DCN: variants seen among roughly 807,000 people sequenced by gnomAD.
The protein encoded by DCN is decorin.
DCN carries 17 observed loss-of-function variants against 36.5 expected under a neutral mutation model. The observed-to-expected ratio is 0.47, with a 90% confidence interval of 0.32 to 0.70. The LOEUF (loss-of-function observed/expected upper bound fraction) is 0.70, where lower values mean the gene tolerates loss of function less well. DCN is among the 30% of genes least tolerant of loss of function. DCN has a pLI of 0.04. For missense variants in DCN, 389 were observed against 430.1 expected, an observed-to-expected ratio of 0.90 and a Z score of 0.84; for synonymous variants, 163 against 161.4, an observed-to-expected ratio of 1.01 and a Z score of -0.07.
chr12:91,156,695 CT>C (rs76405331), intron 5 of DCN, among the ~76,000 whole-genome samples: 20,744 of 142,218 alleles, frequency 0.15, 1,592 homozygotes, highest in Non-Finnish European at 0.19. Flanking sequence ...TCCCATATAT[CT>C]TTTTTTTTTT....
Position 91,164,731 on chromosome 12 carries a change from A to G in DCN, c.212-14T>C, listed in dbSNP as rs1328862722. Reference sequence around the variant, plus strand: ...CTTTGTCCAGACCTAGCATAAGAGTAATAGGAGTGTGCTGTGAGTAGAAAG... The same window carrying G: ...CTTTGTCCAGACCTAGCATAAGAGTGATAGGAGTGTGCTGTGAGTAGAAAG... On this transcript the variant is annotated splice_polypyrimidine_tract_variant and intron_variant, in intron 2 of 7. Coordinates refer to ENST00000052754, the MANE Select transcript of DCN (RefSeq NM_001920.5). The G allele has an allele frequency of 7.5e-7, 1 of 1,338,670 alleles. No homozygotes were observed. The highest frequency in any genetic ancestry group is 1.4e-5 in the African/African-American group (1 of 69,492). The allele number at this position is 1,338,670 out of a possible 1,614,324, so 82.9% of individuals were successfully genotyped here.
rs530124755 is a variant in DCN, at chr12:91,142,131, T to C, written c.*3927A>G. ...TGGTGTGCTTGAATACATAAACAGA[T>C]CCACTAGAAGGAATGTTTTAGCAAT... On this transcript the variant is annotated 3_prime_UTR_variant, in exon 8 of 8. Transcript: ENST00000052754. 6.7e-4 allele frequency: 102 copies of C among 152,294 alleles called. No individual in the cohort carries two copies. Among genetic ancestry groups the C allele is most frequent in the African/African-American group, 2.4e-3 (98 of 41,558 alleles). The allele number at this position is 152,294 out of a possible 1,614,324, so 9.4% of individuals were successfully genotyped here.
rs1880750222 is a variant in DCN at position 91,141,377 on chromosome 12, T to C, written c.*4681A>G. ...TTCTTGGCTTGCTCCCTTCAGTTCT[T>C]CATCTCCCTGCTCAAATGTCACTCC... On this transcript the variant is annotated 3_prime_UTR_variant, in exon 8 of 8. Transcript: ENST00000052754. 6.6e-6 allele frequency: 1 copy of C among 152,278 alleles called. No individual in the cohort carries two copies. The highest frequency in any genetic ancestry group is 2.4e-5 in the African/African-American group (1 of 41,460). The allele number at this position is 152,278 out of a possible 1,614,324, so 9.4% of individuals were successfully genotyped here.
At chr12:91,164,541 G>A in intron 3 of DCN, 64 bp downstream of exon 3, 1 of 845,692 alleles carries the variant, frequency 1.2e-6, no homozygotes, top group Non-Finnish European at 2.0e-6. Flanking sequence ...GCCTTATCTA[G>A]GTAGTGTTTT....
At chr12:91,150,689 C>T (rs1421661661) in intron 7 of DCN, 1 of 152,146 alleles carries the variant, frequency 6.6e-6, no homozygotes, top group Non-Finnish European at 1.5e-5. Flanking sequence ...GTAGCAATTC[C>T]TCAAGGATGT....
At chr12:91,179,596 G>C (rs999378955) in intron 1 of DCN, 1 of 152,012 alleles carries the variant, frequency 6.6e-6, no homozygotes, top group Non-Finnish European at 1.5e-5. Flanking sequence ...TTCTGTACCC[G>C]GGCCTTGCAC....
chr12:91,166,432 G>A (rs529046926), intron 2 of DCN, among the ~76,000 whole-genome samples: 21 of 152,268 alleles, frequency 1.4e-4, no homozygotes, highest in African/African-American at 4.3e-4. Flanking sequence ...CATGCAATTA[G>A]GAATGGTAGA....
At chr12:91,150,905 A>C (rs984948263) in intron 7 of DCN, 2 of 152,524 alleles carry the variant, frequency 1.3e-5, no homozygotes, top group African/African-American at 4.8e-5. Flanking sequence ...GTGGAATACT[A>C]TGCAGCCATA....
chr12:91,163,339 T>G (rs757678787), intron 3 of DCN, among the ~76,000 whole-genome samples: 4 of 152,212 alleles, frequency 2.6e-5, no homozygotes, highest in Non-Finnish European at 4.4e-5. Context: ...TTGGCCCTTC[T>G]TCAAGTCCTG....
Position 91,178,526 on chromosome 12 carries a change from C to G in DCN, c.27G>C (p.Leu9=). The stretch of plus-strand genomic sequence containing the variant: ...GTCCAGCCCAGGAAACTTGTGCAAG[C>G]AGAAGGAGGATGATAGTGGCCTTCA... MKATIILL[L]LAQVSWAGPF... The change falls in exon 2 of 8, where the codon CTG becomes CTC. Residue 9 remains leucine (L), a synonymous_variant. Coordinates refer to ENST00000052754, the MANE Select transcript of DCN (RefSeq NM_001920.5). 1 of 1,613,660 alleles carries G rather than the reference C, an allele frequency of 6.2e-7. No homozygotes were observed. The highest frequency in any genetic ancestry group is 8.5e-7 in the Non-Finnish European group (1 of 1,179,934).
At chr12:91,172,749 C>G (rs1565787621) in intron 2 of DCN, 1 of 699,508 alleles carries the variant, frequency 1.4e-6, no homozygotes, top group Non-Finnish European at 2.6e-6. Flanking sequence ...AGAACCAAGC[C>G]ATGCATATGT....
intron 1 of DCN, chr12:91,179,312 C>G (rs1314949151): frequency 6.6e-6 from 1 of 152,446 alleles, no homozygotes; most frequent in African/African-American, 2.4e-5. Context: ...CATTCCCAGT[C>G]CTCACCTGAA....
intron 2 of DCN, chr12:91,169,499 A>C (rs1200289011): frequency 6.6e-6 from 1 of 151,384 alleles, no homozygotes; most frequent in Non-Finnish European, 1.5e-5. Context: ...ATTTTATTTG[A>C]GAGCTTTATT....
intron 7 of DCN, among the ~76,000 whole-genome samples, chr12:91,146,916 AC>A (rs1475721172): frequency 6.6e-6 from 1 of 152,096 alleles, no homozygotes; most frequent in African/African-American, 2.4e-5. Flanking sequence ...TACTCCGACA[AC>A]CTTGTCCAAG....
At chr12:91,155,322 C>T (rs1274419761) in intron 5 of DCN, among the ~76,000 whole-genome samples, 1 of 152,086 alleles carries the variant, frequency 6.6e-6, no homozygotes, top group Non-Finnish European at 1.5e-5. Flanking sequence ...TAGAAGACTC[C>T]ATGACAAGCA....
Position 91,144,074 on chromosome 12 carries a change from G to C in DCN, c.*1984C>G. 6.6e-6 allele frequency: 1 copy of C among 151,956 alleles called. No homozygotes were observed. The highest frequency in any genetic ancestry group is 1.9e-4 in the East Asian group (1 of 5,178). 9.4% of individuals were successfully genotyped at this position (151,956 alleles called of 1,614,324 possible). A position where few individuals can be genotyped will look rare whatever the true frequency, so the allele number is the denominator to read the frequency against. ...TTTCTACTTATTTCTCACCACACTT[G>C]TCAGTTAAGCAGCAGGATATCTGCA... On this transcript the variant is annotated 3_prime_UTR_variant, in exon 8 of 8. Transcript: ENST00000052754.
intron 2 of DCN, chr12:91,169,849 A>G (rs1262119439): frequency 6.4e-6 from 1 of 155,310 alleles, no homozygotes; most frequent in Non-Finnish European, 1.4e-5. Context: ...GGATCACGAG[A>G]TCAGGAGATC....
chr12:91,148,802 AC>A (rs1460683961), intron 7 of DCN, among the ~76,000 whole-genome samples: 1 of 151,574 alleles, frequency 6.6e-6, no homozygotes, highest in African/African-American at 2.4e-5. Flanking sequence ...GCTGGTGAAA[AC>A]GGCTTTGTTT....
intron 7 of DCN, 111 bp downstream of exon 7, chr12:91,151,543 A>C: frequency 8.3e-7 from 1 of 1,201,540 alleles, no homozygotes; most frequent in Non-Finnish European, 1.2e-6. Flanking sequence ...TAACTAAGAC[A>C]CTCTGGAAAA....
Sources: gnomAD v4.1 joint callset for allele counts (sites outside exome capture counted in the v4.1 genomes callset) on GRCh38, gnomAD v4.1.1 for gene constraint, MANE v1.5 for transcripts, NCBI Gene and HGNC (gene_info 2026-07-23, HGNC 2026-07-21) for gene names.